Variants in PIK3C2G observed in about 807,000 individuals in gnomAD.
The protein encoded by PIK3C2G is phosphatidylinositol 3-kinase C2 domain-containing subunit gamma.
A neutral mutation model predicts 181.1 loss-of-function variants in PIK3C2G; 168 were observed. That is an observed-to-expected ratio of 0.93 (90% CI 0.82 to 1.05). The LOEUF (loss-of-function observed/expected upper bound fraction) is 1.05, where lower values mean the gene tolerates loss of function less well. PIK3C2G is among the 50% of genes least tolerant of loss of function. The pLI is 0.00. For synonymous variants in PIK3C2G, 573 were observed against 592.2 expected, an observed-to-expected ratio of 0.97 and a Z score of 0.47; for missense variants, 1,869 against 1,732.8, an observed-to-expected ratio of 1.08 and a Z score of -1.40.
At position 18,282,512 on chromosome 12, in the gene PIK3C2G, T is replaced by C; in HGVS notation, c.431T>C (p.Leu144Ser). The change falls in exon 2 of 33, where the codon TTA becomes TCA. Residue 144 changes from leucine to serine, a missense_variant. Coordinates refer to ENST00000538779, the MANE Select transcript of PIK3C2G (RefSeq NM_001288772.2). ...HGADDSRFSI[L>S]APSFTSLDKI... The stretch of plus-strand genomic sequence containing the variant: ...GCTGATGATTCCAGATTCAGTATTT[T>C]AGCTCCATCATTCACAAGTTTGGAT... The C allele has an allele frequency of 6.2e-7, 1 of 1,612,242 alleles. No individual in the cohort carries two copies. Among genetic ancestry groups the C allele is most frequent in the African/African-American group, 1.3e-5 (1 of 75,020 alleles).
intron 31 of PIK3C2G, among the ~76,000 whole-genome samples, chr12:18,616,619 C>T (rs535000398): frequency 4.7e-4 from 71 of 152,200 alleles, no homozygotes; most frequent in African/African-American, 1.6e-3. Flanking sequence ...TATGTCGCCA[C>T]ATGACTAAAA....
At chr12:18,490,770 A>C (rs143842908) in intron 19 of PIK3C2G, among the ~76,000 whole-genome samples, 13 of 152,248 alleles carry the variant, frequency 8.5e-5, no homozygotes, top group Admixed American at 8.5e-4. Context: ...GGACTAAAAG[A>C]AGCTTTGTTT....
At chr12:18,637,889 C>T (rs956915049) in intron 31 of PIK3C2G, among the ~76,000 whole-genome samples, 1 of 152,194 alleles carries the variant, frequency 6.6e-6, no homozygotes, top group African/African-American at 2.4e-5. Context: ...CATGTGTCAG[C>T]CAACCCAGCA....
intron 18 of PIK3C2G, among the ~76,000 whole-genome samples, chr12:18,450,514 TTCCC>T (rs1021624494): frequency 6.6e-6 from 1 of 152,112 alleles, no homozygotes; most frequent in African/African-American, 2.4e-5. Context: ...TGCAAAAATG[TTCCC>T]TCCTTCTGTA....
rs556566385 is a variant in PIK3C2G at position 18,458,561 on chromosome 12, T to C, written c.2505-29888T>C. Among the ~76,000 whole-genome samples, 9 of 152,178 alleles carry C rather than the reference T, an allele frequency of 5.9e-5. No homozygotes were observed. In the South Asian group the frequency reaches 1.5e-3, roughly 25 times the overall value. On this transcript the variant is annotated intron_variant, in intron 18 of 32. Transcript: ENST00000538779. ...CTCCTCCTAGCCAGATCCCCTGCCC[T>C]ACAATGTGGGAAGAAGCTGAATATG...
chr12:18,552,326 CT>C (rs761478982), intron 26 of PIK3C2G, among the ~76,000 whole-genome samples: 3 of 152,064 alleles, frequency 2.0e-5, no homozygotes, highest in South Asian at 4.1e-4. Context: ...GATTTTATAT[CT>C]TTTTTCTCTT....
intron 1 of PIK3C2G, among the ~76,000 whole-genome samples, chr12:18,273,405 G>A (rs140084656): frequency 1.6e-4 from 24 of 152,174 alleles, no homozygotes; most frequent in African/African-American, 3.4e-4. Flanking sequence ...GTCAGGTAGC[G>A]TGATGCCCCC....
chr12:18,259,137 A>C (rs1948177785), upstream of PIK3C2G, among the ~76,000 whole-genome samples: 1 of 152,196 alleles, frequency 6.6e-6, no homozygotes, highest in Non-Finnish European at 1.5e-5. Flanking sequence ...TTGCTCTTGT[A>C]ATCTTCATGA....
Position 18,523,875 on chromosome 12 carries a change from G to C in PIK3C2G, c.3324-14281G>C, listed in dbSNP as rs1190349526. Among the ~76,000 whole-genome samples, 3 of 152,326 alleles carry C rather than the reference G, an allele frequency of 2.0e-5. No individual in the cohort carries two copies. The Middle Eastern group carries it at 0.01, about 518-fold the overall frequency. ...GGCAATCACTGATCTACAGTTGCCT[G>C]TCAACCCTGGGAAGACTTGTGAGAG... On this transcript the variant is annotated intron_variant, in intron 24 of 32. Coordinates refer to ENST00000538779, the MANE Select transcript of PIK3C2G (RefSeq NM_001288772.2).
chr12:18,638,025 C>T (rs1278573033), intron 31 of PIK3C2G, among the ~76,000 whole-genome samples: 1 of 152,168 alleles, frequency 6.6e-6, no homozygotes, highest in African/African-American at 2.4e-5. Context: ...CATTATTTCA[C>T]ACCCTTAGTG....
At chr12:18,249,414 A>T (rs936762749) in intron 1 of PIK3C2G, among the ~76,000 whole-genome samples, 1 of 152,138 alleles carries the variant, frequency 6.6e-6, no homozygotes, top group Non-Finnish European at 1.5e-5. Context: ...TAAAATTGGT[A>T]TTACTTGCTT....
At chr12:18,360,599 T>C (rs1941150661) in intron 11 of PIK3C2G, among the ~76,000 whole-genome samples, 1 of 152,204 alleles carries the variant, frequency 6.6e-6, no homozygotes, top group African/African-American at 2.4e-5. Context: ...CATAAAGTAT[T>C]TCTCTTTCAT....
intron 4 of PIK3C2G, among the ~76,000 whole-genome samples, chr12:18,292,108 G>A (rs1016296290): frequency 6.7e-6 from 1 of 149,370 alleles, no homozygotes; most frequent in Non-Finnish European, 1.5e-5. Flanking sequence ...TACTCAGGAG[G>A]CTGAGGCAGG....
intron 32 of PIK3C2G, among the ~76,000 whole-genome samples, chr12:18,641,590 A>G (rs2136803013): frequency 6.6e-6 from 1 of 152,028 alleles, no homozygotes; most frequent in Admixed American, 6.6e-5. Context: ...CTCTTAAAAT[A>G]TTATTGTTTA....
intron 29 of PIK3C2G, among the ~76,000 whole-genome samples, chr12:18,568,680 A>T (rs1206640906): frequency 6.6e-6 from 1 of 152,164 alleles, no homozygotes; most frequent in Non-Finnish European, 1.5e-5. Flanking sequence ...TATGAATCTC[A>T]TCCAAAAAAA....
At chr12:18,303,115 C>CTTCTTTCTTTCTTTCTTTCTTTCT (rs71061296) in intron 5 of PIK3C2G, among the ~76,000 whole-genome samples, 4,199 of 136,536 alleles carry the variant, frequency 0.031, 141 homozygotes, top group East Asian at 0.074. Flanking sequence ...TCTTTCTTTC[C>CTTCTTTCTTTCTTTCTTTCTTTCT]TTCTTTCTTT....
At chr12:18,723,843 T>C in the PIK3C2G span, among the ~76,000 whole-genome samples, 1 of 152,100 alleles carries the variant, frequency 6.6e-6, no homozygotes, top group Non-Finnish European at 1.5e-5. Flanking sequence ...TACTTCAATA[T>C]CTTCTTAAAA....
At chr12:18,685,870 ATAC>A in the PIK3C2G span, among the ~76,000 whole-genome samples, 2 of 71,918 alleles carry the variant, frequency 2.8e-5, no homozygotes, top group East Asian at 8.6e-4. Flanking sequence ...ACACACACAC[ATAC>A]AATAATATGG....
At chr12:18,509,042 C>T (rs1490297496) in intron 24 of PIK3C2G, among the ~76,000 whole-genome samples, 1 of 151,744 alleles carries the variant, frequency 6.6e-6, no homozygotes, top group East Asian at 1.9e-4. Flanking sequence ...ATTATTATTG[C>T]TTTTTTATTT....
Sources: gnomAD v4.1 joint callset for allele counts (sites outside exome capture counted in the v4.1 genomes callset) on GRCh38, gnomAD v4.1.1 for gene constraint, MANE v1.5 for transcripts, NCBI Gene and HGNC (gene_info 2026-07-23, HGNC 2026-07-21) for gene names.